GALNTL6: variants seen among roughly 807,000 people sequenced by gnomAD.
GALNTL6 encodes polypeptide N-acetylgalactosaminyltransferase-like 6.
Under a neutral mutation model 73.7 loss-of-function variants are expected in GALNTL6, and 46 were observed. The observed-to-expected ratio is 0.62, with a 90% CI of 0.49 to 0.80. The LOEUF (loss-of-function observed/expected upper bound fraction) is 0.80. Ranked by LOEUF, GALNTL6 falls within the 30% of genes least tolerant of loss-of-function variation. The probability of loss-of-function intolerance (pLI) is 0.00; values close to 1 mark genes in which losing one functional copy is unlikely to be tolerated. For synonymous variants in GALNTL6, 259 were observed against 263.7 expected (o/e 0.98, Z 0.17); for missense variants, 604 against 755.0 (o/e 0.80, Z 2.34).
chr4:172,241,786 T>C (rs73000308), intron 3 of GALNTL6, among the ~76,000 whole-genome samples: 1,565 of 152,348 alleles, frequency 0.01, 25 homozygotes, highest in African/African-American at 0.034. Flanking sequence ...TTGTTTTTCT[T>C]ATATTTTCTA....
chr4:171,955,904 G>T (rs1210652024), intron 2 of GALNTL6, among the ~76,000 whole-genome samples: 1 of 152,078 alleles, frequency 6.6e-6, no homozygotes, highest in African/African-American at 2.4e-5. Flanking sequence ...TTAGTTAAAA[G>T]TACATATTTT....
chr4:172,820,087 CA>C (rs1255475883), intron 7 of GALNTL6, among the ~76,000 whole-genome samples: 1 of 152,186 alleles, frequency 6.6e-6, no homozygotes, highest in Non-Finnish European at 1.5e-5. Context: ...TGTGCCTGCA[CA>C]AGGGTGCCCA....
At chr4:172,801,739 T>C (rs1165448809) in intron 5 of GALNTL6, among the ~76,000 whole-genome samples, 2 of 152,192 alleles carry the variant, frequency 1.3e-5, no homozygotes, top group African/African-American at 4.8e-5. Flanking sequence ...AGAACTATTA[T>C]ACATTCAAAG....
intron 2 of GALNTL6, among the ~76,000 whole-genome samples, chr4:171,920,152 T>A (rs1460257407): frequency 6.6e-6 from 1 of 151,972 alleles, no homozygotes; most frequent in Non-Finnish European, 1.5e-5. Flanking sequence ...CACCGCTTGT[T>A]CTCACTCTTA....
At chr4:172,097,983 A>G (rs1000715777) in intron 2 of GALNTL6, among the ~76,000 whole-genome samples, 6 of 152,098 alleles carry the variant, frequency 3.9e-5, no homozygotes, top group African/African-American at 1.2e-4. Flanking sequence ...ATTTCATAGG[A>G]GCACACTTTT....
chr4:172,340,029 T>C (rs1183809715), intron 4 of GALNTL6, among the ~76,000 whole-genome samples: 1 of 152,218 alleles, frequency 6.6e-6, no homozygotes, highest in African/African-American at 2.4e-5. Context: ...GATAATCCTA[T>C]GTTGAATAGG....
chr4:172,804,821 T>C (rs904127707), intron 5 of GALNTL6, among the ~76,000 whole-genome samples: 12 of 152,214 alleles, frequency 7.9e-5, no homozygotes, highest in African/African-American at 2.9e-4. Context: ...TCATAGACAG[T>C]GAACTGTACA....
chr4:172,382,638 T>G (rs148383054), intron 5 of GALNTL6, among the ~76,000 whole-genome samples: 1 of 152,306 alleles, frequency 6.6e-6, no homozygotes, highest in East Asian at 1.9e-4. Flanking sequence ...TGTCTCATAC[T>G]TTTGGTGTTA....
intron 4 of GALNTL6, among the ~76,000 whole-genome samples, chr4:172,332,196 T>C (rs867212983): frequency 6.6e-5 from 10 of 152,202 alleles, no homozygotes; most frequent in Middle Eastern, 3.4e-3. Context: ...AATTATCTCA[T>C]ATTTTAAAAT....
intron 5 of GALNTL6, among the ~76,000 whole-genome samples, chr4:172,619,201 A>G (rs1340734921): frequency 6.6e-6 from 1 of 152,076 alleles, no homozygotes; most frequent in Admixed American, 6.5e-5. Flanking sequence ...TTTTCCTTCA[A>G]TAATCTGGTG....
intron 2 of GALNTL6, among the ~76,000 whole-genome samples, chr4:172,127,111 A>G (rs781282911): frequency 7.2e-5 from 11 of 152,298 alleles, no homozygotes; most frequent in Admixed American, 3.3e-4. Context: ...ATTCTCCCCA[A>G]TAGCAGGGCC....
At position 172,496,131 on chromosome 4, in the gene GALNTL6, T is replaced by C. The variant is rs1734062211; in HGVS notation, c.553+147442T>C. 2.0e-5 allele frequency among the ~76,000 whole-genome samples: 3 copies of C among 152,344 alleles called. No individual in the cohort carries two copies. The South Asian group carries it at 6.2e-4, about 32-fold the overall frequency. ...ATTTTTTAGACTGATTTTTAATCTCTCATACAAAAGTGTAGATGGAAATGT... is the reference window on the plus strand; with the variant it reads ...ATTTTTTAGACTGATTTTTAATCTCCCATACAAAAGTGTAGATGGAAATGT... On this transcript the variant is annotated intron_variant, in intron 5 of 12. Transcript: ENST00000506823.
At chr4:172,909,763 C>A (rs1747101136) in intron 8 of GALNTL6, among the ~76,000 whole-genome samples, 3 of 151,976 alleles carry the variant, frequency 2.0e-5, no homozygotes, top group Admixed American at 6.6e-5. Context: ...GTTGGCTCAA[C>A]AATTTTATTT....
At chr4:172,595,877 C>T (rs142429546) in intron 5 of GALNTL6, among the ~76,000 whole-genome samples, 379 of 152,182 alleles carry the variant, frequency 2.5e-3, no homozygotes, top group Non-Finnish European at 3.6e-3. Context: ...AATGGGAGAA[C>T]ACTTAAGAGG....
At chr4:172,796,662 G>C (rs1740285722) in intron 5 of GALNTL6, among the ~76,000 whole-genome samples, 1 of 152,032 alleles carries the variant, frequency 6.6e-6, no homozygotes, top group Admixed American at 6.6e-5. Flanking sequence ...TAATAGCATT[G>C]TCAAGAAATG....
At chr4:172,447,413 ACAAGTAGC>A (rs1406836983) in intron 5 of GALNTL6, among the ~76,000 whole-genome samples, 1 of 152,158 alleles carries the variant, frequency 6.6e-6, no homozygotes, top group Non-Finnish European at 1.5e-5. Flanking sequence ...ATTCACCTTC[ACAAGTAGC>A]CACTGCATTT....
intron 5 of GALNTL6, among the ~76,000 whole-genome samples, chr4:172,562,483 A>G (rs892691819): frequency 6.6e-6 from 1 of 152,214 alleles, no homozygotes; most frequent in Non-Finnish European, 1.5e-5. Context: ...TCCATGCACA[A>G]GGGCCAGCTT....
intron 2 of GALNTL6, among the ~76,000 whole-genome samples, chr4:171,962,765 CTTT>C (rs139917729): frequency 1.8e-5 from 2 of 113,820 alleles, no homozygotes; most frequent in Non-Finnish European, 3.3e-5. Context: ...CTTGCTTTTA[CTTT>C]TTTTTTTTTT....
At chr4:172,491,594 G>A (rs572490660) in intron 5 of GALNTL6, among the ~76,000 whole-genome samples, 8 of 152,162 alleles carry the variant, frequency 5.3e-5, no homozygotes, top group Non-Finnish European at 1.0e-4. Context: ...TACCAGGATG[G>A]TTGCTCTCTA....
Sources: gnomAD v4.1 joint callset for allele counts (sites outside exome capture counted in the v4.1 genomes callset) on GRCh38, gnomAD v4.1.1 for gene constraint, MANE v1.5 for transcripts, NCBI Gene and HGNC (gene_info 2026-07-23, HGNC 2026-07-21) for gene names.